The following WDR35 variants were observed in gnomAD, a reference collection of about 807,000 sequenced individuals.
WDR35 encodes the protein WD repeat-containing protein 35.
In WDR35, 118 loss-of-function variants were observed where a neutral mutation model predicts 158.3. The observed-to-expected ratio is 0.75, with a 90% CI of 0.64 to 0.87. The LOEUF (loss-of-function observed/expected upper bound fraction) is 0.87. WDR35 is among the 40% of genes least tolerant of loss of function. The probability of loss-of-function intolerance (pLI) is 0.00; values close to 1 mark genes in which losing one functional copy is unlikely to be tolerated. For synonymous variants in WDR35, 448 were observed against 476.1 expected, an observed-to-expected ratio of 0.94 and a Z score of 0.77; for missense variants, 1,263 against 1,405.8, an observed-to-expected ratio of 0.90 and a Z score of 1.62.
At chr2:19,969,918 T>C (rs1671984056) in intron 8 of WDR35, among the ~76,000 whole-genome samples, 1 of 152,086 alleles carries the variant, frequency 6.6e-6, no homozygotes, top group African/African-American at 2.4e-5. Flanking sequence ...AAGCTAATTT[T>C]TTGTATTTTT....
chr2:19,989,338 A>G, intron 1 of WDR35, 56 bp from the exon 2 acceptor site: 1 of 1,410,348 alleles, frequency 7.1e-7, no homozygotes, highest in Non-Finnish European at 1.0e-6. Flanking sequence ...CTGGGAAGTA[A>G]GTCTGCAGGA....
intron 25 of WDR35, among the ~76,000 whole-genome samples, chr2:19,924,130 G>A (rs954583102): frequency 6.6e-6 from 1 of 152,176 alleles, no homozygotes; most frequent in Admixed American, 6.5e-5. Context: ...TGATGCCATA[G>A]AACAGCTTAG....
At position 19,912,975 on chromosome 2, in the gene WDR35, A is replaced by G. The variant is rs1016462532; in HGVS notation, c.*583T>C. 3.3e-5 allele frequency: 5 copies of G among 152,312 alleles called. No homozygotes were observed. The highest frequency in any genetic ancestry group is 1.2e-4 in the African/African-American group (5 of 41,476). 9.4% of individuals were successfully genotyped at this position (152,312 alleles called of 1,614,324 possible). A position where few individuals can be genotyped will look rare whatever the true frequency, so the allele number is the denominator to read the frequency against. On this transcript the variant is annotated 3_prime_UTR_variant, in exon 27 of 27. Coordinates refer to ENST00000281405, the MANE Select transcript of WDR35 (RefSeq NM_020779.4). The stretch of plus-strand genomic sequence containing the variant: ...ATGAGACTAAAAGGACAGGTTTTAA[A>G]ATAGAAGAATAGGGCTATTAGAAAC...
chr2:19,948,361 C>T lies in WDR35; in HGVS notation c.1471-144G>A, dbSNP rs1671125000. ...TTACTGCTGAGCACCTACTATGTGC[C>T]AACCACTGAACTAAGCACTAGAGAT... On this transcript the variant is annotated intron_variant, in intron 13 of 26. Transcript: ENST00000281405. 7 of 688,478 alleles carry T rather than the reference C, an allele frequency of 1.0e-5. No individual in the cohort carries two copies. The South Asian group carries it at 1.4e-4, about 13-fold the overall frequency. 42.6% of individuals were successfully genotyped at this position (688,478 alleles called of 1,614,324 possible). A position where few individuals can be genotyped will look rare whatever the true frequency, so the allele number is the denominator to read the frequency against.
chr2:19,925,991 C>A (rs545637699), intron 25 of WDR35, among the ~76,000 whole-genome samples: 4 of 152,140 alleles, frequency 2.6e-5, no homozygotes, highest in Non-Finnish European at 5.9e-5. Flanking sequence ...TAAAGAGAAA[C>A]CGGAGGCTTT....
At chr2:19,958,730 T>C (rs536748288) in intron 11 of WDR35, among the ~76,000 whole-genome samples, 3 of 152,100 alleles carry the variant, frequency 2.0e-5, no homozygotes, top group South Asian at 2.1e-4. Context: ...GTGGGGAAGA[T>C]AGACAAGAAA....
At chr2:19,960,166 T>C (rs1232916683) in intron 11 of WDR35, among the ~76,000 whole-genome samples, 1 of 152,134 alleles carries the variant, frequency 6.6e-6, no homozygotes. Flanking sequence ...TTATTAATAA[T>C]GAAAGTGGTT....
intron 19 of WDR35, among the ~76,000 whole-genome samples, chr2:19,936,661 A>G (rs1199988346): frequency 1.3e-5 from 2 of 152,154 alleles, no homozygotes; most frequent in Admixed American, 1.3e-4. Flanking sequence ...GAATTGATTA[A>G]TGCCCTCATA....
chr2:19,946,396 A>C (rs1671053765), intron 15 of WDR35, 65 bp downstream of exon 15: 1 of 1,334,480 alleles, frequency 7.5e-7, no homozygotes, highest in Non-Finnish European at 1.1e-6. Context: ...TTACATATAA[A>C]TCTAACAATC....
intron 25 of WDR35, among the ~76,000 whole-genome samples, chr2:19,917,861 G>C (rs542817478): frequency 6.6e-6 from 1 of 152,204 alleles, no homozygotes; most frequent in African/African-American, 2.4e-5. Flanking sequence ...TAGCAAGGCA[G>C]GCCAACATTC....
At chr2:19,925,030 A>G (rs898330850) in intron 25 of WDR35, among the ~76,000 whole-genome samples, 1 of 152,182 alleles carries the variant, frequency 6.6e-6, no homozygotes, top group Non-Finnish European at 1.5e-5. Context: ...AAACTGGTGC[A>G]TTTCCAGCTC....
chr2:19,918,234 T>A (rs1281362534), intron 25 of WDR35, among the ~76,000 whole-genome samples: 4 of 152,308 alleles, frequency 2.6e-5, no homozygotes, highest in East Asian at 3.9e-4. Flanking sequence ...CAAGAGCTCC[T>A]GAAGGAAGCA....
chr2:19,978,229 G>A (rs1672271974), intron 5 of WDR35, among the ~76,000 whole-genome samples: 1 of 151,626 alleles, frequency 6.6e-6, no homozygotes, highest in East Asian at 1.9e-4. Flanking sequence ...CAGAGCGAGC[G>A]AGAGAGAGAA....
Position 19,978,868 on chromosome 2 carries a change from CAAT to C in WDR35, c.316_318del (p.Ile106del). 6.2e-7 allele frequency: 1 copy of C among 1,613,720 alleles called. No homozygotes were observed. Among genetic ancestry groups the C allele is most frequent in the Non-Finnish European group, 8.5e-7 (1 of 1,179,806 alleles). ...TTATTTCGATTGTTGATCATCTCCT[CAAT>C]CCAAGAGCCTGTTTTCACAAATTTA... is the stretch of plus-strand genomic sequence containing the variant. On this transcript the variant is annotated inframe_deletion, in exon 5 of 27. Transcript: ENST00000281405.
chr2:19,975,556 T>C lies in WDR35; in HGVS notation c.544A>G (p.Ile182Val), dbSNP rs1672177993. 4 of 1,613,874 alleles carry C rather than the reference T, an allele frequency of 2.5e-6. No homozygotes were observed. Among genetic ancestry groups the C allele is most frequent in the Non-Finnish European group, 3.4e-6 (4 of 1,179,864 alleles). ...ATAAAATTTCCTTGATTATCGTAAA[T>C]GTGTATTTCCCCATTTGCCATTCCA... ...LFGMANGEIHIYDNQGNFMIK... is the reference protein window; with the variant it reads ...LFGMANGEIHVYDNQGNFMIK... Residue 182 changes from isoleucine (I) to valine (V), a missense_variant, in exon 6 of 27, where the codon ATT becomes GTT. Ile to Val is a conservative substitution (Grantham distance 29, BLOSUM62 3). Coordinates refer to ENST00000281405, the MANE Select transcript of WDR35 (RefSeq NM_020779.4).
intron 2 of WDR35, among the ~76,000 whole-genome samples, chr2:19,984,683 G>GT (rs1365189309): frequency 6.6e-6 from 1 of 152,156 alleles, no homozygotes; most frequent in African/African-American, 2.4e-5. Context: ...TGACATAGAA[G>GT]AACAGAAGAT....
Position 19,914,232 on chromosome 2 carries a change from A to C in WDR35, c.3167T>G (p.Ile1056Ser), listed in dbSNP as rs1169682448. Residue 1056 changes from isoleucine to serine, a missense_variant, in exon 26 of 27, where the codon ATC becomes AGC. Coordinates refer to ENST00000281405, the MANE Select transcript of WDR35 (RefSeq NM_020779.4). ...TGCGCAGAGTGCTAGCAGAGAGTAG[A>C]TCTCCACAGGAGGGATGATGTCTTC... ...DYEDIIPPVE[I>S]YSLLALCACA... 3 of 1,614,094 alleles carry C rather than the reference A, an allele frequency of 1.9e-6. No individual in the cohort carries two copies. The highest frequency in any genetic ancestry group is 1.3e-5 in the African/African-American group (1 of 74,948).
intron 25 of WDR35, among the ~76,000 whole-genome samples, chr2:19,921,659 T>C (rs978522825): frequency 2.0e-5 from 3 of 152,096 alleles, no homozygotes; most frequent in East Asian, 1.9e-4. Flanking sequence ...ATTCAGGACA[T>C]AGGCATGGGC....
At chr2:19,948,732 A>C (rs1671140035) in intron 13 of WDR35, among the ~76,000 whole-genome samples, 1 of 152,168 alleles carries the variant, frequency 6.6e-6, no homozygotes, top group African/African-American at 2.4e-5. Context: ...ACATTCTCAA[A>C]GTAACAAAAC....
Sources: gnomAD v4.1 joint callset for allele counts (sites outside exome capture counted in the v4.1 genomes callset) on GRCh38, gnomAD v4.1.1 for gene constraint, MANE v1.5 for transcripts, NCBI Gene and HGNC (gene_info 2026-07-23, HGNC 2026-07-21) for gene names.